Variants in GLUL observed in about 807,000 individuals in gnomAD.
GLUL encodes glutamine synthetase.
In GLUL, 8 loss-of-function variants were observed where a neutral mutation model predicts 36.9. That is an observed-to-expected ratio of 0.22 (90% confidence interval 0.13 to 0.39). The LOEUF (loss-of-function observed/expected upper bound fraction) is 0.39, where lower values mean the gene tolerates loss of function less well. Among genes scored for constraint, GLUL ranks in the 10% least tolerant of loss-of-function variants. The pLI, the probability that GLUL is intolerant of heterozygous loss-of-function variation, is 1.00. For synonymous variants in GLUL, 182 were observed against 172.8 expected (o/e 1.05, Z -0.42); for missense variants, 315 against 501.8 (o/e 0.63, Z 3.56).
chr1:182,390,459 A>G (rs547910075), intron 1 of GLUL: 4 of 398,864 alleles, frequency 1.0e-5, no homozygotes, highest in Non-Finnish European at 1.8e-5. Context: ...TGCAGCTCCC[A>G]CCAACTCCGG....
chr1:182,384,071 C>G lies in GLUL; in HGVS notation c.*334G>C, dbSNP rs2101930282. 1 of 337,166 alleles carries G rather than the reference C, an allele frequency of 3.0e-6. No individual in the cohort carries two copies. The highest frequency in any genetic ancestry group is 2.7e-5 in the South Asian group (1 of 36,738). The allele number at this position is 337,166 out of a possible 1,614,324, so 20.9% of individuals were successfully genotyped here. On this transcript the variant is annotated 3_prime_UTR_variant, in exon 7 of 7. Coordinates refer to ENST00000331872, the MANE Select transcript of GLUL (RefSeq NM_001033044.4). ...GCTACCTGGAAGAAGAGACCCCCTT[C>G]TGCAAACGTGCTCTGTCCGGATAGC...
rs1205146917 is a variant in GLUL, at chr1:182,382,998, T to C, written c.*1407A>G. Reference sequence around the variant, plus strand: ...ACATACTGTACATGGCAATTAGAAGTTGTCATGGCAAAAGAAAACCACAGC... The same window carrying C: ...ACATACTGTACATGGCAATTAGAAGCTGTCATGGCAAAAGAAAACCACAGC... On this transcript the variant is annotated 3_prime_UTR_variant, in exon 7 of 7. Coordinates refer to ENST00000331872, the MANE Select transcript of GLUL (RefSeq NM_001033044.4). The C allele has an allele frequency of 6.6e-6, 1 of 152,042 alleles. No homozygotes were observed. The highest frequency in any genetic ancestry group is 2.4e-5 in the African/African-American group (1 of 41,366). 9.4% of individuals were successfully genotyped at this position (152,042 alleles called of 1,614,324 possible). A position where few individuals can be genotyped will look rare whatever the true frequency, so the allele number is the denominator to read the frequency against.
At chr1:182,386,426 G>T in intron 3 of GLUL, 24 bp from the exon 4 acceptor site, 1 of 1,559,884 alleles carries the variant, frequency 6.4e-7, no homozygotes, top group Non-Finnish European at 8.8e-7. Context: ...TCAATAATAC[G>T]CCATCAGGGA....
chr1:182,385,199 C>G (rs1235827701), intron 6 of GLUL, 158 bp downstream of exon 6: 1 of 666,120 alleles, frequency 1.5e-6, no homozygotes, highest in Non-Finnish European at 2.7e-6. Context: ...CAAGTGTCAA[C>G]ACCTAAAGTA....
intron 1 of GLUL, chr1:182,388,990 AAC>A (rs1650297266): frequency 4.4e-6 from 2 of 459,168 alleles, no homozygotes; most frequent in East Asian, 9.2e-5. Flanking sequence ...TGAAACAATT[AAC>A]ACAGATGCCT....
In GLUL at chr1:182,380,477, G is replaced by A. The variant is rs560436579; in HGVS notation, c.*3928C>T. Among the ~76,000 whole-genome samples the A allele has an allele frequency of 5.3e-5, 8 of 151,886 alleles. No homozygotes were observed. Among genetic ancestry groups the A allele is most frequent in the Non-Finnish European group, 7.4e-5 (5 of 68,006 alleles). The stretch of plus-strand genomic sequence containing the variant: ...GTGCAATTTAAAAAAAAATTATTTT[G>A]TGGAGTCTGGACCTCACTACATTGC... On this transcript the variant is annotated 3_prime_UTR_variant, in exon 7 of 7. Transcript: ENST00000331872.
intron 5 of GLUL, 76 bp downstream of exon 5, chr1:182,385,684 T>A: frequency 6.3e-7 from 1 of 1,577,324 alleles, no homozygotes; most frequent in Non-Finnish European, 8.7e-7. Context: ...GAGTGGTGTA[T>A]CAGCAGCCCT....
At chr1:182,385,923 G>A in intron 4 of GLUL, 36 bp from the exon 5 acceptor site, 1 of 1,603,534 alleles carries the variant, frequency 6.2e-7, no homozygotes, top group Non-Finnish European at 8.5e-7. Context: ...TAAGAGTCAA[G>A]AAATCCAGAG....
intron 5 of GLUL, 28 bp downstream of exon 5, chr1:182,385,732 T>C (rs769940760): frequency 5.0e-6 from 8 of 1,613,544 alleles, no homozygotes; most frequent in Non-Finnish European, 5.9e-6. Flanking sequence ...CCTACCCTTC[T>C]TCATTGATGG....
chr1:182,391,357 C>T (rs1180281457), intron 1 of GLUL: 1 of 397,880 alleles, frequency 2.5e-6, no homozygotes, highest in Non-Finnish European at 4.4e-6. Flanking sequence ...CCCCAGGGCG[C>T]AGGCCGGCCC....
Sources: allele counts gnomAD v4.1 joint callset (sites outside exome capture counted in the v4.1 genomes callset), GRCh38; gene constraint gnomAD v4.1.1; transcripts MANE v1.5; gene names NCBI Gene and HGNC (gene_info 2026-07-23, HGNC 2026-07-21).